The following TTC7A variants were observed in gnomAD, a reference collection of about 807,000 sequenced individuals.
TTC7A encodes the protein tetratricopeptide repeat domain 7A.
Under a neutral mutation model 103.7 loss-of-function variants are expected in TTC7A, and 110 were observed. The observed-to-expected ratio is 1.06, with a 90% confidence interval of 0.91 to 1.24. The LOEUF is 1.24. TTC7A is among the 50% of genes most tolerant of loss of function. The pLI is 0.00. For missense variants in TTC7A, 1,340 were observed against 1,116.3 expected, an observed-to-expected ratio of 1.20 and a Z score of -2.86; for synonymous variants, 521 against 467.9, an observed-to-expected ratio of 1.11 and a Z score of -1.47.
At chr2:47,031,193 G>A (rs189291439) in intron 15 of TTC7A, among the ~76,000 whole-genome samples, 11 of 152,104 alleles carry the variant, frequency 7.2e-5, no homozygotes, top group Non-Finnish European at 1.3e-4. Flanking sequence ...CACTTCACCC[G>A]CAAAGGCGAG....
exon 1 of TTC7A, chr2:46,916,556 T>C (rs1668799920): frequency 6.5e-6 from 1 of 153,018 alleles, no homozygotes; most frequent in Admixed American, 6.5e-5. Context: ...ACACCTGTGC[T>C]CCTATACAAG....
rs560992960 is a variant in TTC7A, at chr2:46,923,884, C to G, written c.82+6607C>G. Among the ~76,000 whole-genome samples, 12 of 152,210 alleles carry G rather than the reference C, an allele frequency of 7.9e-5. No homozygotes were observed. In the South Asian group the frequency reaches 2.3e-3, roughly 29 times the overall value. On this transcript the variant is annotated intron_variant, in intron 2 of 20. Coordinates refer to the TTC7A transcript ENST00000409245. ...AGTAGCTGGGATTACAGGCGCCTGC[C>G]ACCACGCCCAGCTAATTTTCTTTGT...
At chr2:46,973,438 C>T (rs563308132) in intron 3 of TTC7A, among the ~76,000 whole-genome samples, 26 of 152,240 alleles carry the variant, frequency 1.7e-4, no homozygotes, top group Admixed American at 2.6e-4. Flanking sequence ...ATTTATCCCC[C>T]GTCAGGGAGG....
upstream of TTC7A, among the ~76,000 whole-genome samples, chr2:46,940,428 C>CG (rs1558486830): frequency 6.6e-6 from 1 of 152,178 alleles, no homozygotes; most frequent in African/African-American, 2.4e-5. This position sits in a 1 kb window ranked among gnomAD's most constrained non-coding sequence, Gnocchi z 4.7. Context: ...AGGTCTCCCC[C>CG]CAAGGGTGGA....
intron 19 of TTC7A, chr2:47,068,166 ATC>A (rs1684338369): frequency 1.3e-5 from 2 of 152,230 alleles, no homozygotes; most frequent in African/African-American, 2.4e-5. Context: ...CCGGTTCAGC[ATC>A]TGTTTTCTGA....
At position 47,060,706 on chromosome 2, in the gene TTC7A, G is replaced by A. The variant is rs1683697994; in HGVS notation, c.2153-63G>A. 4.0e-6 allele frequency: 6 copies of A among 1,485,956 alleles called. No individual in the cohort carries two copies. The Admixed American group carries it at 7.8e-5, about 19-fold the overall frequency. 92.0% of individuals were successfully genotyped at this position (1,485,956 alleles called of 1,614,324 possible). A position where few individuals can be genotyped will look rare whatever the true frequency, so the allele number is the denominator to read the frequency against. ...TTCCCTGGCTCTGAGGATGCAGGGA[G>A]GGGGTCAGGATGCCTCTGACTCCCC... is the stretch of plus-strand genomic sequence containing the variant. On this transcript the variant is annotated intron_variant, in intron 18 of 19. Transcript: ENST00000319190.
intron 2 of TTC7A, among the ~76,000 whole-genome samples, chr2:46,929,854 C>T (rs1267762126): frequency 6.6e-6 from 1 of 152,204 alleles, no homozygotes; most frequent in East Asian, 1.9e-4. Flanking sequence ...TTATGTGTCA[C>T]ACCTAGACAG....
At chr2:47,001,849 G>T (rs1431513885) in intron 8 of TTC7A, among the ~76,000 whole-genome samples, 3 of 137,544 alleles carry the variant, frequency 2.2e-5, no homozygotes, top group African/African-American at 8.7e-5. Context: ...ACAAGAGCGA[G>T]ACTCTGTCTC....
rs903561949 is a variant in TTC7A at position 47,074,256 on chromosome 2, G to A, written c.*333G>A. The A allele has an allele frequency of 5.5e-6, 2 of 362,740 alleles. No homozygotes were observed. The highest frequency in any genetic ancestry group is 1.0e-5 in the Non-Finnish European group (2 of 193,786). 22.5% of individuals were successfully genotyped at this position (362,740 alleles called of 1,614,324 possible). On this transcript the variant is annotated 3_prime_UTR_variant, in exon 20 of 20. Transcript: ENST00000319190. Reference sequence around the variant, plus strand: ...CATGCCTCTGGCTTGGAGTCTGGGTGGGGGGTTCTCACTCCCCACTCTCAG... The same window carrying A: ...CATGCCTCTGGCTTGGAGTCTGGGTAGGGGGTTCTCACTCCCCACTCTCAG...
chr2:46,978,700 A>T, intron 4 of TTC7A, 92 bp from the exon 5 acceptor site: 7 of 909,296 alleles, frequency 7.7e-6, no homozygotes, highest in Non-Finnish European at 8.9e-6. Context: ...AACAACTGGG[A>T]CTGGGATGGT....
chr2:46,929,927 T>A (rs912109984), intron 2 of TTC7A, among the ~76,000 whole-genome samples: 1 of 152,194 alleles, frequency 6.6e-6, no homozygotes, highest in African/African-American at 2.4e-5. Flanking sequence ...ATGATAATTG[T>A]CAATGTTTTA....
Position 47,050,004 on chromosome 2 carries a change from G to A in TTC7A, c.1975G>A (p.Gly659Ser). ...GGGCCTCACCATGAAGAAGCAGAGTGGCATGCACCTGACTTTGCCTGATGC... is the reference window on the plus strand; with the variant it reads ...GGGCCTCACCATGAAGAAGCAGAGTAGCATGCACCTGACTTTGCCTGATGC... ...GEGLTMKKQS[G>S]MHLTLPDAHD... Residue 659 changes from glycine (G) to serine (S), a missense_variant, in exon 17 of 20, where the codon GGC becomes AGC. Physicochemically the swap from Gly to Ser is moderately conservative, Grantham distance 56. Coordinates refer to ENST00000319190, the MANE Select transcript of TTC7A (RefSeq NM_020458.4). 2 of 1,614,172 alleles carry A rather than the reference G, an allele frequency of 1.2e-6. No homozygotes were observed. The highest frequency in any genetic ancestry group is 1.7e-6 in the Non-Finnish European group (2 of 1,180,038).
At chr2:46,945,282 C>T (rs918617237) in intron 1 of TTC7A, among the ~76,000 whole-genome samples, 2 of 151,908 alleles carry the variant, frequency 1.3e-5, no homozygotes, top group Non-Finnish European at 2.9e-5. Flanking sequence ...TAGATGGAGT[C>T]TTGCTCTGTT....
chr2:46,929,461 G>T (rs1183235722), intron 2 of TTC7A, among the ~76,000 whole-genome samples: 1 of 152,118 alleles, frequency 6.6e-6, no homozygotes, highest in Non-Finnish European at 1.5e-5. Context: ...TCCAGCCTGG[G>T]CAACAGAGCA....
At chr2:47,047,883 A>G (rs1682488500) in intron 16 of TTC7A, among the ~76,000 whole-genome samples, 1 of 152,160 alleles carries the variant, frequency 6.6e-6, no homozygotes, top group South Asian at 2.1e-4. Flanking sequence ...CAAGTTTAGA[A>G]AAGAATCCTC....
At chr2:46,937,048 T>G (rs977971824), upstream of TTC7A, among the ~76,000 whole-genome samples, 8 of 151,802 alleles carry the variant, frequency 5.3e-5, no homozygotes, top group Non-Finnish European at 1.2e-4. This position sits in a 1 kb window ranked among gnomAD's most constrained non-coding sequence, Gnocchi z 4.0. Flanking sequence ...TAGAGATGGG[T>G]TTTTGCCATA....
chr2:46,960,089 C>G (rs996626845), intron 3 of TTC7A, among the ~76,000 whole-genome samples: 1 of 152,198 alleles, frequency 6.6e-6, no homozygotes, highest in Non-Finnish European at 1.5e-5. Flanking sequence ...CACATGTGCT[C>G]AGACTGACCA....
chr2:46,930,646 C>T (rs898388788), intron 2 of TTC7A, among the ~76,000 whole-genome samples: 5 of 151,894 alleles, frequency 3.3e-5, no homozygotes, highest in African/African-American at 1.2e-4. Context: ...ATTACAGGCG[C>T]CTGCAACCAC....
At chr2:46,986,287 C>T (rs1674999100) in intron 5 of TTC7A, among the ~76,000 whole-genome samples, 1 of 152,210 alleles carries the variant, frequency 6.6e-6, no homozygotes, top group African/African-American at 2.4e-5. Context: ...TCTCGGTGTT[C>T]AGGGAGCTTA....
Sources: gnomAD v4.1 joint callset for allele counts (sites outside exome capture counted in the v4.1 genomes callset) on GRCh38, gnomAD v4.1.1 for gene constraint, Gnocchi (gnomAD v3.1) non-coding constraint, MANE v1.5 for transcripts, NCBI Gene and HGNC (gene_info 2026-07-23, HGNC 2026-07-21) for gene names.